EYA4: variants seen among roughly 807,000 people sequenced by gnomAD.
EYA4 encodes EYA transcriptional coactivator and phosphatase 4, also known as protein phosphatase EYA4.
EYA4 carries 31 observed loss-of-function variants against 87.9 expected under a neutral mutation model. The observed-to-expected ratio is 0.35, with a 90% CI of 0.27 to 0.48. The LOEUF is 0.48. EYA4 is among the 20% of genes least tolerant of loss of function. The pLI is 0.99. For missense variants in EYA4, 678 were observed against 761.4 expected (o/e 0.89, Z 1.29); for synonymous variants, 263 against 270.6 (o/e 0.97, Z 0.28).
intron 2 of EYA4, among the ~76,000 whole-genome samples, chr6:133,342,862 G>A (rs544968757): frequency 3.6e-4 from 54 of 151,814 alleles, no homozygotes; most frequent in African/African-American, 1.3e-3. Flanking sequence ...TTAAAAATAT[G>A]GTACAGATTT....
rs1429034123 is a variant in EYA4 at position 133,523,063 on chromosome 6, T to C, written c.1624T>C (p.Cys542Arg). ...ATTTCCTCCCTATTTTAGGAGTAAC[T>C]GCATAAATGTCTTGGTAACGACAAC... Reference protein sequence around the residue: ...SLSIISTRSNCINVLVTTTQL... With the variant: ...SLSIISTRSNRINVLVTTTQL... Residue 542 changes from cysteine to arginine, a missense_variant, in exon 18 of 20, where the codon TGC becomes CGC. Cys to Arg is a radical substitution (Grantham distance 180). Coordinates refer to ENST00000355286, the MANE Select transcript of EYA4 (RefSeq NM_004100.5). The C allele has an allele frequency of 3.1e-6, 5 of 1,611,300 alleles. No individual in the cohort carries two copies. The South Asian group carries it at 4.4e-5, about 14-fold the overall frequency.
intron 3 of EYA4, among the ~76,000 whole-genome samples, chr6:133,397,444 C>T (rs1787899965): frequency 6.6e-6 from 1 of 152,094 alleles, no homozygotes; most frequent in Non-Finnish European, 1.5e-5. Context: ...GATATTAGGG[C>T]ATACAGATTT....
At chr6:133,412,112 C>G (rs1789294260) in intron 3 of EYA4, among the ~76,000 whole-genome samples, 1 of 152,134 alleles carries the variant, frequency 6.6e-6, no homozygotes, top group East Asian at 1.9e-4. Flanking sequence ...CAACTTCAAC[C>G]TATGCATATC....
intron 2 of EYA4, among the ~76,000 whole-genome samples, chr6:133,278,426 A>C (rs561492276): frequency 2.0e-5 from 3 of 152,252 alleles, no homozygotes; most frequent in African/African-American, 7.2e-5. Flanking sequence ...TCACCACTAC[A>C]TTATAAACTA....
intron 2 of EYA4, among the ~76,000 whole-genome samples, chr6:133,296,222 C>T (rs1214623816): frequency 6.6e-6 from 1 of 152,150 alleles, no homozygotes; most frequent in Non-Finnish European, 1.5e-5. Flanking sequence ...GTATCTGAAG[C>T]AGAGTGAGTG....
intron 2 of EYA4, among the ~76,000 whole-genome samples, chr6:133,379,758 G>A (rs888498563): frequency 5.3e-5 from 8 of 152,100 alleles, no homozygotes; most frequent in African/African-American, 1.9e-4. Flanking sequence ...ATATAATGAT[G>A]TACCAGATCA....
chr6:133,349,666 T>C (rs1454398619), intron 2 of EYA4, among the ~76,000 whole-genome samples: 2 of 151,180 alleles, frequency 1.3e-5, no homozygotes, highest in African/African-American at 4.9e-5. Flanking sequence ...TGAGTGCAAA[T>C]AATATAGGAA....
At chr6:133,353,953 G>A (rs1400853059) in intron 2 of EYA4, among the ~76,000 whole-genome samples, 1 of 152,138 alleles carries the variant, frequency 6.6e-6, no homozygotes, top group Middle Eastern at 3.2e-3. Flanking sequence ...TTTGTTGATG[G>A]AAATTCAGAT....
intron 2 of EYA4, among the ~76,000 whole-genome samples, chr6:133,350,136 G>C (rs1783528326): frequency 6.6e-6 from 1 of 152,030 alleles, no homozygotes; most frequent in South Asian, 2.1e-4. Context: ...ATAAGGGCCT[G>C]ATCTTTGATG....
At chr6:133,325,866 T>C (rs1781462444) in intron 2 of EYA4, among the ~76,000 whole-genome samples, 1 of 152,174 alleles carries the variant, frequency 6.6e-6, no homozygotes, top group South Asian at 2.1e-4. Context: ...GCTGCACAAA[T>C]AGGAGCATGA....
chr6:133,426,737 C>T (rs937857719), intron 3 of EYA4, among the ~76,000 whole-genome samples: 8 of 152,150 alleles, frequency 5.3e-5, no homozygotes, highest in Non-Finnish European at 1.0e-4. Flanking sequence ...GCTTGTGTGC[C>T]GGTGCTCACA....
At chr6:133,243,063 C>T (rs1051700922) in intron 1 of EYA4, among the ~76,000 whole-genome samples, 3 of 147,560 alleles carry the variant, frequency 2.0e-5, no homozygotes, top group Non-Finnish European at 3.0e-5. Flanking sequence ...GTTTTGGTTC[C>T]AGAGCAGTTC....
intron 1 of EYA4, among the ~76,000 whole-genome samples, chr6:133,249,672 T>G (rs1004789872): frequency 6.6e-6 from 1 of 152,202 alleles, no homozygotes; most frequent in Non-Finnish European, 1.5e-5. Context: ...GTGGAATGCT[T>G]TTTCTCTGGA....
At chr6:133,460,349 GA>G (rs1450524500) in intron 6 of EYA4, among the ~76,000 whole-genome samples, 2,343 of 152,214 alleles carry the variant, frequency 0.015, 67 homozygotes, top group African/African-American at 0.051. Context: ...AGTCAAGGCA[GA>G]TAGTTAAAGG....
At position 133,400,345 on chromosome 6, in the gene EYA4, T is replaced by C. The variant is rs188290107; in HGVS notation, c.83+17904T>C. 1.8e-4 allele frequency among the ~76,000 whole-genome samples: 27 copies of C among 152,032 alleles called. 1 individual carries two copies. The highest frequency in any genetic ancestry group is 5.1e-4 in the African/African-American group (21 of 41,490). ...CAACATGGTGAAACCCTGTCTCTACTGAAAATACAAAAATTAGTAGGGTGT... is the reference window on the plus strand; with the variant it reads ...CAACATGGTGAAACCCTGTCTCTACCGAAAATACAAAAATTAGTAGGGTGT... On this transcript the variant is annotated intron_variant, in intron 3 of 19. Transcript: ENST00000355286.
At chr6:133,502,939 A>G (rs1446323031) in intron 13 of EYA4, among the ~76,000 whole-genome samples, 3 of 152,134 alleles carry the variant, frequency 2.0e-5, no homozygotes, top group Non-Finnish European at 4.4e-5. Flanking sequence ...CCCAGTTACA[A>G]ATGATATTTT....
At chr6:133,329,532 G>A (rs1427300560) in intron 2 of EYA4, among the ~76,000 whole-genome samples, 2 of 152,172 alleles carry the variant, frequency 1.3e-5, no homozygotes, top group East Asian at 3.9e-4. Flanking sequence ...CAAGTCACAA[G>A]CCTCAGTTAA....
chr6:133,311,538 C>A (rs1780218717), intron 2 of EYA4, among the ~76,000 whole-genome samples: 1 of 151,632 alleles, frequency 6.6e-6, no homozygotes, highest in African/African-American at 2.4e-5. Context: ...AGGCTGGTCT[C>A]AAAAACCTGG....
At chr6:133,409,359 A>G (rs980426861) in intron 3 of EYA4, among the ~76,000 whole-genome samples, 1 of 152,216 alleles carries the variant, frequency 6.6e-6, no homozygotes, top group African/African-American at 2.4e-5. Context: ...ATTCAGCCTT[A>G]AAAAGGAGAT....
Sources: allele counts gnomAD v4.1 joint callset (sites outside exome capture counted in the v4.1 genomes callset), GRCh38; gene constraint gnomAD v4.1.1; transcripts MANE v1.5; gene names NCBI Gene and HGNC (gene_info 2026-07-23, HGNC 2026-07-21).